The following ARHGAP24 variants were observed in gnomAD, a reference collection of about 807,000 sequenced individuals.
The protein encoded by ARHGAP24 is rho GTPase-activating protein 24.
Under a neutral mutation model 76.4 loss-of-function variants are expected in ARHGAP24, and 50 were observed. That is an observed-to-expected ratio of 0.65 (90% confidence interval 0.52 to 0.83). ARHGAP24 has a LOEUF of 0.83. Among genes scored for constraint, ARHGAP24 ranks in the 40% least tolerant of loss-of-function variants. The pLI, the probability that ARHGAP24 is intolerant of heterozygous loss-of-function variation, is 0.00. For synonymous variants in ARHGAP24, 345 were observed against 323.3 expected (o/e 1.07, Z -0.72); for missense variants, 930 against 914.2 (o/e 1.02, Z -0.22).
At chr4:85,853,999 G>A (rs1578302700) in intron 3 of ARHGAP24, among the ~76,000 whole-genome samples, 1 of 151,408 alleles carries the variant, frequency 6.6e-6, no homozygotes, top group African/African-American at 2.4e-5. Context: ...GCCGGGCGTG[G>A]TGGTGCATGC....
chr4:85,553,182 T>C (rs775042231), intron 1 of ARHGAP24, among the ~76,000 whole-genome samples: 31 of 152,110 alleles, frequency 2.0e-4, no homozygotes, highest in Non-Finnish European at 3.7e-4. Flanking sequence ...GCAGACATTC[T>C]CGGTGAGTGT....
At chr4:85,941,410 T>C (rs1276997066) in intron 4 of ARHGAP24, among the ~76,000 whole-genome samples, 2 of 152,216 alleles carry the variant, frequency 1.3e-5, no homozygotes, top group Non-Finnish European at 2.9e-5. Flanking sequence ...ACCCTACCTG[T>C]TAGGGCAAGC....
At chr4:85,783,072 A>G (rs960801679) in intron 3 of ARHGAP24, among the ~76,000 whole-genome samples, 1 of 152,194 alleles carries the variant, frequency 6.6e-6, no homozygotes, top group Non-Finnish European at 1.5e-5. Flanking sequence ...GTTAGCAAAC[A>G]GTAATTTGGA....
chr4:85,922,996 G>A (rs542080670), intron 3 of ARHGAP24, among the ~76,000 whole-genome samples: 19 of 152,268 alleles, frequency 1.2e-4, no homozygotes, highest in Middle Eastern at 6.8e-3. Context: ...CCTTAGGTGC[G>A]AGAGCCATTG....
intron 3 of ARHGAP24, among the ~76,000 whole-genome samples, chr4:85,865,051 G>GTCA (rs1560681036): frequency 5.3e-5 from 8 of 152,150 alleles, no homozygotes; most frequent in African/African-American, 1.9e-4. Flanking sequence ...TCCAACAGTC[G>GTCA]TTAGGAGGCC....
At chr4:85,569,566 A>G (rs1353184868) in intron 1 of ARHGAP24, among the ~76,000 whole-genome samples, 1 of 152,198 alleles carries the variant, frequency 6.6e-6, no homozygotes, top group Non-Finnish European at 1.5e-5. Flanking sequence ...ATACTCCTTC[A>G]CACATAACCT....
Position 85,846,762 on chromosome 4 carries a change from A to G in ARHGAP24, c.269-76886A>G, listed in dbSNP as rs557435516. Among the ~76,000 whole-genome samples, 4 of 152,372 alleles carry G rather than the reference A, an allele frequency of 2.6e-5. No individual in the cohort carries two copies. The East Asian group carries it at 5.8e-4, about 22-fold the overall frequency. On this transcript the variant is annotated intron_variant, in intron 3 of 9. Transcript: ENST00000395184. ...CTAGCCTTTTAACTGGGAAAAAGCA[A>G]TAAGGAAACAGACTTACACAGTTTG...
intron 1 of ARHGAP24, among the ~76,000 whole-genome samples, chr4:85,517,648 A>G (rs921494134): frequency 6.6e-6 from 1 of 152,074 alleles, no homozygotes; most frequent in Non-Finnish European, 1.5e-5. Flanking sequence ...ATTTATATGA[A>G]CATGCGTATA....
intron 3 of ARHGAP24, among the ~76,000 whole-genome samples, chr4:85,778,033 TG>T (rs1418725214): frequency 6.6e-6 from 1 of 152,180 alleles, no homozygotes; most frequent in Admixed American, 6.5e-5. Flanking sequence ...ATAGCAAATG[TG>T]TGTCTAGTTT....
At chr4:85,657,927 G>A (rs776999649) in intron 2 of ARHGAP24, among the ~76,000 whole-genome samples, 4 of 152,102 alleles carry the variant, frequency 2.6e-5, no homozygotes, top group Non-Finnish European at 5.9e-5. Flanking sequence ...GCTAATTTTT[G>A]TATTTTTAGT....
chr4:85,842,839 G>A (rs1468994717), intron 3 of ARHGAP24, among the ~76,000 whole-genome samples: 5 of 152,170 alleles, frequency 3.3e-5, no homozygotes, highest in Non-Finnish European at 5.9e-5. Flanking sequence ...CAAATGCATC[G>A]TGTAAGTTGT....
intron 3 of ARHGAP24, chr4:85,827,955 T>A (rs1729802986): frequency 1.6e-6 from 2 of 1,289,772 alleles, no homozygotes; most frequent in African/African-American, 3.0e-5. Context: ...CACTGACCAC[T>A]GAAGTGTATG....
chr4:85,557,756 C>G (rs1312372121), intron 1 of ARHGAP24, among the ~76,000 whole-genome samples: 1 of 152,190 alleles, frequency 6.6e-6, no homozygotes. Context: ...TAATCATTTC[C>G]TAGCTTCCAG....
intron 3 of ARHGAP24, among the ~76,000 whole-genome samples, chr4:85,849,836 T>C (rs531299061): frequency 3.9e-5 from 6 of 152,232 alleles, no homozygotes; most frequent in South Asian, 2.1e-4. Flanking sequence ...GATGTGCTGC[T>C]GGATTCGGTT....
intron 1 of ARHGAP24, among the ~76,000 whole-genome samples, chr4:85,541,527 T>G (rs1032867966): frequency 6.6e-6 from 1 of 152,088 alleles, no homozygotes; most frequent in Non-Finnish European, 1.5e-5. Context: ...CAATATATAT[T>G]TTTTTGTGTC....
At chr4:85,667,819 C>T (rs1722691140) in intron 2 of ARHGAP24, among the ~76,000 whole-genome samples, 1 of 152,182 alleles carries the variant, frequency 6.6e-6, no homozygotes, top group African/African-American at 2.4e-5. Context: ...AAATTACCCA[C>T]CGACTTGTCT....
At chr4:86,000,377 T>C in intron 9 of ARHGAP24, 102 bp from the exon 10 acceptor site, 1 of 922,210 alleles carries the variant, frequency 1.1e-6, no homozygotes, top group South Asian at 1.4e-5. Context: ...TCATAAAGAG[T>C]TTAGAAAATA....
intron 5 of ARHGAP24, among the ~76,000 whole-genome samples, chr4:85,961,342 G>A (rs1560748124): frequency 6.6e-6 from 1 of 152,088 alleles, no homozygotes; most frequent in Non-Finnish European, 1.5e-5. Flanking sequence ...AATGATTTTG[G>A]CAATAACTTG....
At chr4:85,493,755 T>TG (rs995393693) in intron 1 of ARHGAP24, among the ~76,000 whole-genome samples, 2 of 152,228 alleles carry the variant, frequency 1.3e-5, no homozygotes, top group African/African-American at 4.8e-5. Context: ...ACCAAAAATC[T>TG]GGGTGTTACT....
Sources: gnomAD v4.1 joint callset for allele counts (sites outside exome capture counted in the v4.1 genomes callset) on GRCh38, gnomAD v4.1.1 for gene constraint, MANE v1.5 for transcripts, NCBI Gene and HGNC (gene_info 2026-07-23, HGNC 2026-07-21) for gene names.